KLF13: variants seen among roughly 807,000 people sequenced by gnomAD.
KLF13 encodes the protein Krueppel-like factor 13.
KLF13 carries 8 observed loss-of-function variants against 16.7 expected under a neutral mutation model. That is an observed-to-expected ratio of 0.48 (90% confidence interval 0.28 to 0.87). KLF13 has a LOEUF of 0.87. Ranked by LOEUF, KLF13 falls within the 40% of genes least tolerant of loss-of-function variation. The pLI, the probability that KLF13 is intolerant of heterozygous loss-of-function variation, is 0.10. For synonymous variants in KLF13, 245 were observed against 208.4 expected (o/e 1.18, Z -1.51); for missense variants, 447 against 452.2 (o/e 0.99, Z 0.10).
chr15:31,423,133 G>GTGTATA (rs2040356318), intron 1 of KLF13, among the ~76,000 whole-genome samples: 1 of 95,646 alleles, frequency 1.0e-5, no homozygotes, highest in African/African-American at 6.5e-5. Context: ...GTATATATAC[G>GTGTATA]TATACGTATA....
chr15:31,389,508 CCT>C (rs1199463590), upstream of KLF13, among the ~76,000 whole-genome samples: 5 of 152,210 alleles, frequency 3.3e-5, no homozygotes, highest in South Asian at 2.1e-4. Context: ...CCCTCCTCCC[CCT>C]GTGTTTACAT....
At chr15:31,394,101 T>A (rs1001432647) in intron 2 of KLF13, among the ~76,000 whole-genome samples, 3 of 150,160 alleles carry the variant, frequency 2.0e-5, no homozygotes, top group African/African-American at 7.3e-5. Flanking sequence ...CTGACAGCGC[T>A]GGGGTGCAAT....
chr15:31,428,699 T>C (rs2040428302), intron 1 of KLF13, among the ~76,000 whole-genome samples: 1 of 142,170 alleles, frequency 7.0e-6, no homozygotes, highest in Non-Finnish European at 1.5e-5. Context: ...TCCCAGCTAC[T>C]CGGGAGGCTG....
intron 1 of KLF13, among the ~76,000 whole-genome samples, chr15:31,338,410 A>G (rs2038966604): frequency 1.3e-5 from 2 of 152,218 alleles, no homozygotes; most frequent in African/African-American, 2.4e-5. Flanking sequence ...GCCAAGTCTC[A>G]GAACAATCGT....
intron 2 of KLF13, among the ~76,000 whole-genome samples, chr15:31,395,140 C>T (rs538332108): frequency 1.4e-4 from 21 of 152,128 alleles, no homozygotes; most frequent in Admixed American, 7.9e-4. Flanking sequence ...CCACCACGCC[C>T]GGCTAATTTT....
intron 1 of KLF13, among the ~76,000 whole-genome samples, chr15:31,423,100 C>T (rs55856919): frequency 0.34 from 19,566 of 57,966 alleles, 3,684 homozygotes; most frequent in South Asian, 0.46. Context: ...CGTATATATA[C>T]GTATACGTAT....
chr15:31,434,977 A>G (rs1238090162), intron 1 of KLF13, among the ~76,000 whole-genome samples: 1 of 152,208 alleles, frequency 6.6e-6, no homozygotes, highest in Non-Finnish European at 1.5e-5. Flanking sequence ...AATCATGTTC[A>G]AAACCACAGT....
At chr15:31,408,222 T>C (rs2040150939), downstream of KLF13, among the ~76,000 whole-genome samples, 1 of 152,240 alleles carries the variant, frequency 6.6e-6, no homozygotes, top group Admixed American at 6.5e-5. Flanking sequence ...TTAATAGATT[T>C]CATATGTTGC....
At chr15:31,399,151 A>G (rs1211497298) in intron 2 of KLF13, among the ~76,000 whole-genome samples, 1 of 152,116 alleles carries the variant, frequency 6.6e-6, no homozygotes, top group Non-Finnish European at 1.5e-5. Context: ...CTCTGAAAAC[A>G]AGGGGCCCCT....
Position 31,417,573 on chromosome 15 carries a change from G to T in KLF13, n.118-17797G>T, listed in dbSNP as rs2040269846. On this transcript the variant is annotated intron_variant and non_coding_transcript_variant, in intron 1 of 1. Coordinates refer to the KLF13 transcript ENST00000558225. ...TCCTTTTTTTTAAAACAGAGTTTTG[G>T]TTTTGTTGCCCAGGCTGGAGTGCAA... Among the ~76,000 whole-genome samples, 3 of 151,400 alleles carry T rather than the reference G, an allele frequency of 2.0e-5. No homozygotes were observed. In the South Asian group the frequency reaches 6.3e-4, roughly 32 times the overall value.
intron 1 of KLF13, among the ~76,000 whole-genome samples, chr15:31,330,099 T>G (rs1259253586): frequency 6.6e-6 from 1 of 152,150 alleles, no homozygotes; most frequent in African/African-American, 2.4e-5. Context: ...AAGTAACTGG[T>G]GTTCCTCAAG....
At chr15:31,337,366 AG>A (rs34292887) in intron 1 of KLF13, among the ~76,000 whole-genome samples, 1 of 152,248 alleles carries the variant, frequency 6.6e-6, no homozygotes, top group Non-Finnish European at 1.5e-5. Flanking sequence ...TAGGACCCAC[AG>A]GGGCTCTGGC....
chr15:31,327,453 G>T lies in KLF13; in HGVS notation c.241G>T (p.Ala81Ser). 8.1e-7 allele frequency: 1 copy of T among 1,239,258 alleles called. No individual in the cohort carries two copies. The highest frequency in any genetic ancestry group is 1.0e-6 in the Non-Finnish European group (1 of 990,948). The allele number at this position is 1,239,258 out of a possible 1,614,324, so 76.8% of individuals were successfully genotyped here. Reference sequence around the variant, plus strand: ...CCAGCAAGCGCCGGCGCCCGCCCCGGCGGAGCGCAGGGAGGGCGCCGCGGC... The same window carrying T: ...CCAGCAAGCGCCGGCGCCCGCCCCGTCGGAGCGCAGGGAGGGCGCCGCGGC... Reference protein sequence around the residue: ...LNQQAPAPAPAERREGAAARK... With the variant: ...LNQQAPAPAPSERREGAAARK... Residue 81 changes from alanine to serine, a missense_variant, in exon 1 of 2, where the codon GCG becomes TCG. This residue lies in a region of KLF13 where 359 missense variants were observed against 282.8 expected (regional missense o/e 1.27). Transcript: ENST00000307145.
At chr15:31,364,047 G>A (rs1317884647) in intron 1 of KLF13, among the ~76,000 whole-genome samples, 2 of 152,002 alleles carry the variant, frequency 1.3e-5, no homozygotes, top group African/African-American at 2.4e-5. Flanking sequence ...ACTACCTTTC[G>A]TTCTAATTCT....
intron 1 of KLF13, among the ~76,000 whole-genome samples, chr15:31,419,572 C>G (rs1018298662): frequency 1.3e-5 from 2 of 151,796 alleles, no homozygotes; most frequent in South Asian, 2.1e-4. Flanking sequence ...TCAAGCAGAA[C>G]AAAGAATCAG....
chr15:31,388,151 T>C (rs937451705), upstream of KLF13, among the ~76,000 whole-genome samples: 1 of 152,204 alleles, frequency 6.6e-6, no homozygotes, highest in Admixed American at 6.5e-5. Flanking sequence ...GTGGTTATTA[T>C]TCTTCTCATC....
intron 1 of KLF13, among the ~76,000 whole-genome samples, chr15:31,416,739 T>A (rs977251587): frequency 2.0e-5 from 3 of 152,110 alleles, no homozygotes; most frequent in East Asian, 3.9e-4. Context: ...GAGAGAAAAA[T>A]TAACATAGAA....
intron 1 of KLF13, among the ~76,000 whole-genome samples, chr15:31,422,143 A>C (rs1012970770): frequency 5.3e-5 from 8 of 151,978 alleles, no homozygotes; most frequent in South Asian, 2.1e-4. Context: ...AAAAAAAAAA[A>C]AAAAAGAAAA....
At chr15:31,334,449 C>T (rs1167504544) in intron 1 of KLF13, among the ~76,000 whole-genome samples, 10 of 150,960 alleles carry the variant, frequency 6.6e-5, no homozygotes, top group South Asian at 6.3e-4. Context: ...TTTTTTGAGA[C>T]GAAGTCTTGC....
Sources: allele counts gnomAD v4.1 joint callset (sites outside exome capture counted in the v4.1 genomes callset), GRCh38; gene constraint gnomAD v4.1.1; regional missense constraint gnomAD v4.1.1; transcripts MANE v1.5; gene names NCBI Gene and HGNC (gene_info 2026-07-23, HGNC 2026-07-21).